SRRT: variants seen among roughly 807,000 people sequenced by gnomAD.
SRRT encodes serrate, RNA effector molecule.
In SRRT, 32 loss-of-function variants were observed where a neutral mutation model predicts 103.2. The ratio of observed to expected loss-of-function variants is 0.31; its 90% CI spans 0.23 to 0.42. SRRT has a LOEUF of 0.42. SRRT is among the 10% of genes least tolerant of loss of function. The pLI is 1.00. For missense variants in SRRT, 986 were observed against 1,207.5 expected (o/e 0.82, Z 2.72); for synonymous variants, 525 against 449.0 (o/e 1.17, Z -2.14).
chr7:100,887,899 T>G lies in SRRT; in HGVS notation c.2326+40T>G. Reference sequence around the variant, plus strand: ...ATGAAGGTCGCATGTGCCCTCTTCCTTGACTACCCAGGGACTCCTGTTTCT... The same window carrying G: ...ATGAAGGTCGCATGTGCCCTCTTCCGTGACTACCCAGGGACTCCTGTTTCT... On this transcript the variant is annotated intron_variant, in intron 17 of 19. Transcript: ENST00000611405. This position sits in a 1 kb window ranked among gnomAD's most constrained non-coding sequence, Gnocchi z 4.1. 6.3e-7 allele frequency: 1 copy of G among 1,580,508 alleles called. No individual in the cohort carries two copies. Among genetic ancestry groups the G allele is most frequent in the Non-Finnish European group, 8.6e-7 (1 of 1,157,818 alleles).
chr7:100,881,442 C>G, intron 3 of SRRT, 29 bp downstream of exon 3: 1 of 1,604,146 alleles, frequency 6.2e-7, no homozygotes, highest in Non-Finnish European at 8.5e-7. Context: ...CCTCTCCTCC[C>G]CTTTGCCTCA....
chr7:100,880,798 A>G, intron 2 of SRRT: 1 of 345,964 alleles, frequency 2.9e-6, no homozygotes. Flanking sequence ...GGGGTGATTC[A>G]TGTGGGTCTG....
Position 100,887,510 on chromosome 7 carries a change from C to A in SRRT, c.2166C>A (p.Phe722Leu), listed in dbSNP as rs1171660993. ...KWLCPLSGKK[F>L]KGPEFVRKHI... ...TGTGTCCTCTCAGTGGCAAGAAATT[C>A]AAGGTGTGGGATGTTGGAGAATGGC... Residue 722 changes from phenylalanine to leucine, a missense_variant, in exon 16 of 20, where the codon TTC (phenylalanine) becomes TTA (leucine). Physicochemically the swap from Phe to Leu is conservative, Grantham distance 22 (BLOSUM62 0). Coordinates refer to ENST00000611405, the MANE Select transcript of SRRT (RefSeq NM_015908.6). The surrounding 1 kb of genome is among the most constrained non-coding windows in gnomAD (Gnocchi z 4.1). The A allele has an allele frequency of 6.2e-7, 1 of 1,613,580 alleles. No homozygotes were observed. Among genetic ancestry groups the A allele is most frequent in the African/African-American group, 1.3e-5 (1 of 74,856 alleles).
Position 100,888,264 on chromosome 7 carries a change from T to C in SRRT, c.2436T>C (p.Ala812=), listed in dbSNP as rs1790373584. Residue 812 remains alanine, a synonymous_variant, in exon 19 of 20, where the codon GCT becomes GCC. Transcript: ENST00000611405. ...CACTGATCTCTGTCATAGCTGGTGCTGTCCGCCCTGCAGTCCCCACAGGAG... is the reference window on the plus strand; with the variant it reads ...CACTGATCTCTGTCATAGCTGGTGCCGTCCGCCCTGCAGTCCCCACAGGAG... The part of the protein sequence containing the change: ...RPPILGYGAG[A]VRPAVPTGGP... 2.5e-6 allele frequency: 4 copies of C among 1,608,250 alleles called. No individual in the cohort carries two copies. Among genetic ancestry groups the C allele is most frequent in the South Asian group, 2.2e-5 (2 of 90,850 alleles).
chr7:100,880,262 A>C (rs1164824609), intron 2 of SRRT, among the ~76,000 whole-genome samples: 1 of 152,094 alleles, frequency 6.6e-6, no homozygotes, highest in Non-Finnish European at 1.5e-5. Flanking sequence ...AGGAAAAGAC[A>C]TTTGGGCCCA....
chr7:100,888,343 T>C lies in SRRT; in HGVS notation c.2515T>C (p.Phe839Leu), dbSNP rs1790386248. 1.2e-6 allele frequency: 2 copies of C among 1,613,988 alleles called. No individual in the cohort carries two copies. The highest frequency in any genetic ancestry group is 1.7e-5 in the Admixed American group (1 of 60,004). Residue 839 changes from phenylalanine (F) to leucine (L), a missense_variant, in exon 19 of 20, where the codon TTC becomes CTC. Phe to Leu is a conservative substitution (Grantham distance 22). Around this residue, in one of 6 missense-constraint regions of SRRT, gnomAD observed 178 missense variants for 189.6 expected, o/e 0.94. Transcript: ENST00000611405. Reference sequence around the variant, plus strand: ...TGCTGGTCGAGGGAACTATGATGCCTTCCGAGGCCAGGGAGGTTATCCTGG... The same window carrying C: ...TGCTGGTCGAGGGAACTATGATGCCCTCCGAGGCCAGGGAGGTTATCCTGG... ...YGAGRGNYDA[F>L]RGQGGYPGKP...
intron 6 of SRRT, 21 bp from the exon 7 acceptor site, chr7:100,884,347 C>CTCTG: frequency 6.2e-7 from 1 of 1,612,822 alleles, no homozygotes; most frequent in Non-Finnish European, 8.5e-7. Flanking sequence ...GGGTCATGAC[C>CTCTG]TCTGTTCCCT....
At chr7:100,881,629 C>T (rs751123180) in intron 3 of SRRT, 30 bp from the exon 4 acceptor site, 10 of 1,613,536 alleles carry the variant, frequency 6.2e-6, no homozygotes, top group East Asian at 2.2e-5. Context: ...ACTCCCTTCT[C>T]TGCTTTACTT....
chr7:100,880,638 G>T, intron 2 of SRRT: 1 of 373,028 alleles, frequency 2.7e-6, no homozygotes, highest in Non-Finnish European at 5.5e-6. Context: ...TGAATTTGAG[G>T]GGGTGATGGA....
In SRRT at chr7:100,887,685, TCTC is replaced by T. The variant is rs767582563; in HGVS notation, c.2170-14_2170-12del. 1 of 1,600,740 alleles carries T rather than the reference TCTC, an allele frequency of 6.2e-7. No individual in the cohort carries two copies. The highest frequency in any genetic ancestry group is 1.3e-5 in the African/African-American group (1 of 74,644). On this transcript the variant is annotated splice_polypyrimidine_tract_variant and intron_variant, in intron 16 of 19. Transcript: ENST00000611405. This position sits in a 1 kb window ranked among gnomAD's most constrained non-coding sequence, Gnocchi z 4.1. ...ACCCTTATGTGGCTGTCCTGACCCC[TCTC>T]CTCTCTCCACCCAGGGTCCTGAGTT... is the stretch of plus-strand genomic sequence containing the variant.
rs1789624258 is a variant in SRRT at position 100,882,037 on chromosome 7, C to T, written c.399-16C>T. The T allele has an allele frequency of 6.2e-7, 1 of 1,606,210 alleles. No individual in the cohort carries two copies. Among genetic ancestry groups the T allele is most frequent in the East Asian group, 2.2e-5 (1 of 44,816 alleles). On this transcript the variant is annotated splice_polypyrimidine_tract_variant and intron_variant, in intron 4 of 19. Coordinates refer to ENST00000611405, the MANE Select transcript of SRRT (RefSeq NM_015908.6). This position sits in a 1 kb window ranked among gnomAD's most constrained non-coding sequence, Gnocchi z 4.2. ...TTCCCCAAAAACCAAGCCTTCCTGA[C>T]CGGGGTCCCCTCCAGGCTGGGCAGC...
At chr7:100,886,125 C>T (rs113044920) in intron 12 of SRRT, 122 bp from the exon 13 acceptor site, 62 of 1,293,916 alleles carry the variant, frequency 4.8e-5, no homozygotes, top group Middle Eastern at 5.4e-4. Flanking sequence ...ATGTGGTCCC[C>T]GTCCCCAGGG....
intron 4 of SRRT, 52 bp downstream of exon 4, chr7:100,881,857 G>A (rs771741076): frequency 6.5e-7 from 1 of 1,544,246 alleles, no homozygotes. Flanking sequence ...GGATGGATGG[G>A]GTTGCTGAAG....
Position 100,882,465 on chromosome 7 carries a change from GA to G in SRRT, c.587+225del, listed in dbSNP as rs1403602489. On this transcript the variant is annotated intron_variant, in intron 5 of 19. Coordinates refer to ENST00000611405, the MANE Select transcript of SRRT (RefSeq NM_015908.6). This position sits in a 1 kb window ranked among gnomAD's most constrained non-coding sequence, Gnocchi z 4.2. Reference sequence around the variant, plus strand: ...CTGTCCTGCTGTCCTCAGAGAGTGGGACACCTCCAGGCAGCAGGCCAGAGCC... The same window carrying G: ...CTGTCCTGCTGTCCTCAGAGAGTGGGCACCTCCAGGCAGCAGGCCAGAGCC... The G allele has an allele frequency of 1.2e-5, 6 of 501,082 alleles. No homozygotes were observed. The highest frequency in any genetic ancestry group is 2.1e-5 in the Non-Finnish European group (6 of 281,624). 31.0% of individuals were successfully genotyped at this position (501,082 alleles called of 1,614,324 possible).
chr7:100,884,108 G>A lies in SRRT; in HGVS notation c.626G>A (p.Arg209His), dbSNP rs150615307. 38 of 1,608,882 alleles carry A rather than the reference G, an allele frequency of 2.4e-5. No individual in the cohort carries two copies. Among genetic ancestry groups the A allele is most frequent in the Middle Eastern group, 1.7e-4 (1 of 6,048 alleles). Residue 209 changes from arginine to histidine, a missense_variant, in exon 6 of 20, where the codon CGT becomes CAT. This residue lies in a region of SRRT where 274 missense variants were observed against 358.5 expected (regional missense o/e 0.76). Coordinates refer to ENST00000611405, the MANE Select transcript of SRRT (RefSeq NM_015908.6). ...TACCACCCAGATGAGGTGGGGAAGC[G>A]TCGGCAGGAGGCCCGGGGGGCCCTG... ...SKYHPDEVGK[R>H]RQEARGALQN... is the part of the protein sequence containing the mutation.
chr7:100,886,764 C>G (rs199975520), intron 13 of SRRT, 31 bp from the exon 14 acceptor site: 3 of 1,612,728 alleles, frequency 1.9e-6, no homozygotes, highest in Non-Finnish European at 2.5e-6. Flanking sequence ...AAGGTCTTCT[C>G]TGCCTTACTT....
intron 6 of SRRT, 38 bp downstream of exon 6, chr7:100,884,277 C>T (rs1563018692): frequency 2.5e-6 from 4 of 1,613,770 alleles, no homozygotes; most frequent in Non-Finnish European, 3.4e-6. Context: ...ATCTGGGCCC[C>T]ATGGGGGTGG....
Position 100,887,767 on chromosome 7 carries a change from AG to A in SRRT, c.2236del (p.Glu746LysfsTer36). ...GCAGAGAAAATTGAGGAAGTGAAAA[AG>A]GAAGTCGCGTTTTTTAACAACTTCC... ...KHAEKIEEVK[K>X]EVAFFNNFLT... On this transcript the variant is annotated frameshift_variant, in exon 17 of 20. Transcript: ENST00000611405. LOFTEE classifies it high-confidence loss of function. This position sits in a 1 kb window ranked among gnomAD's most constrained non-coding sequence, Gnocchi z 4.1. 1 of 1,613,538 alleles carries A rather than the reference AG, an allele frequency of 6.2e-7. No individual in the cohort carries two copies. Among genetic ancestry groups the A allele is most frequent in the Non-Finnish European group, 8.5e-7 (1 of 1,179,520 alleles).
In SRRT at chr7:100,881,432, C is replaced by T. The variant is rs1816310540; in HGVS notation, c.251+19C>T. The T allele has an allele frequency of 7.5e-6, 12 of 1,605,330 alleles. No individual in the cohort carries two copies. The highest frequency in any genetic ancestry group is 5.5e-5 in the South Asian group (5 of 90,926). ...GAGACTGGTGAGATGGAGCGGTTTCCCTCTCCTCCCCTTTGCCTCAGTTCC... is the reference window on the plus strand; with the variant it reads ...GAGACTGGTGAGATGGAGCGGTTTCTCTCTCCTCCCCTTTGCCTCAGTTCC... On this transcript the variant is annotated intron_variant, in intron 3 of 19. Transcript: ENST00000611405.
Sources: allele counts gnomAD v4.1 joint callset (sites outside exome capture counted in the v4.1 genomes callset), GRCh38; gene constraint gnomAD v4.1.1; regional missense constraint gnomAD v4.1.1; non-coding constraint Gnocchi (gnomAD v3.1); transcripts MANE v1.5; gene names NCBI Gene and HGNC (gene_info 2026-07-23, HGNC 2026-07-21).